The following SMOC1 variants were observed in gnomAD, a reference collection of about 807,000 sequenced individuals.
SMOC1 encodes SPARC related modular calcium binding 1.
A neutral mutation model predicts 56.3 loss-of-function variants in SMOC1; 22 were observed. That is an observed-to-expected ratio of 0.39 (90% CI 0.28 to 0.56). The LOEUF (loss-of-function observed/expected upper bound fraction) is 0.56. Among genes scored for constraint, SMOC1 ranks in the 20% least tolerant of loss-of-function variants. SMOC1 has a pLI of 0.61. For missense variants in SMOC1, 509 were observed against 565.4 expected (o/e 0.90, Z 1.01); for synonymous variants, 193 against 215.0 (o/e 0.90, Z 0.89).
chr14:69,996,579 G>T (rs971843843), intron 7 of SMOC1, among the ~76,000 whole-genome samples: 2 of 152,216 alleles, frequency 1.3e-5, no homozygotes, highest in South Asian at 4.1e-4. Flanking sequence ...TGAGAATAGG[G>T]TCATGTTGAG....
At chr14:69,904,511 G>A (rs1884355677) in intron 1 of SMOC1, among the ~76,000 whole-genome samples, 2 of 152,246 alleles carry the variant, frequency 1.3e-5, no homozygotes, top group African/African-American at 4.8e-5. Flanking sequence ...CACTTATGGG[G>A]TTTAGCACTT....
At chr14:70,017,299 C>T (rs762589489) in intron 10 of SMOC1, among the ~76,000 whole-genome samples, 13 of 152,180 alleles carry the variant, frequency 8.5e-5, no homozygotes, top group Admixed American at 2.0e-4. Context: ...CTTGGAGCGC[C>T]ATGCAGACAG....
intron 3 of SMOC1, among the ~76,000 whole-genome samples, chr14:69,970,339 A>G (rs1883712948): frequency 6.6e-6 from 1 of 152,090 alleles, no homozygotes; most frequent in African/African-American, 2.4e-5. Flanking sequence ...GGAGCCAACT[A>G]CTACTCTGTC....
intron 1 of SMOC1, among the ~76,000 whole-genome samples, chr14:69,929,457 G>A (rs1434520657): frequency 6.6e-6 from 1 of 152,218 alleles, no homozygotes; most frequent in Non-Finnish European, 1.5e-5. Context: ...AGGTCATGCG[G>A]CAAGTAAGTC....
chr14:69,882,029 G>A (rs776530447), intron 1 of SMOC1, among the ~76,000 whole-genome samples: 6 of 152,134 alleles, frequency 3.9e-5, no homozygotes, highest in Admixed American at 6.5e-5. Context: ...GAGATGGCTC[G>A]ATGAGAAATA....
chr14:69,954,176 T>C (rs1052790474), intron 3 of SMOC1, among the ~76,000 whole-genome samples: 1 of 152,156 alleles, frequency 6.6e-6, no homozygotes, highest in Non-Finnish European at 1.5e-5. Flanking sequence ...TTCTTCTCTT[T>C]TTTTGGAGAC....
chr14:69,951,387 C>CT (rs1234173849), intron 1 of SMOC1, among the ~76,000 whole-genome samples: 3 of 152,110 alleles, frequency 2.0e-5, no homozygotes, highest in Non-Finnish European at 2.9e-5. Context: ...ATTTACTATG[C>CT]GTCTTGGAGG....
At chr14:69,980,928 T>C (rs1469778140) in intron 5 of SMOC1, among the ~76,000 whole-genome samples, 1 of 152,128 alleles carries the variant, frequency 6.6e-6, no homozygotes, top group Non-Finnish European at 1.5e-5. Context: ...CTTGCCTTTT[T>C]GAATATCCTC....
In SMOC1 at chr14:70,030,302, G is replaced by T; in HGVS notation, c.*44G>T. 1 of 1,612,934 alleles carries T rather than the reference G, an allele frequency of 6.2e-7. No individual in the cohort carries two copies. The highest frequency in any genetic ancestry group is 1.7e-4 in the Middle Eastern group (1 of 6,048). ...GCAGGTGGAGAGTCCAGGGAGGCAGGATGGATCACCAGACACCTAACCTTC... is the reference window on the plus strand; with the variant it reads ...GCAGGTGGAGAGTCCAGGGAGGCAGTATGGATCACCAGACACCTAACCTTC... On this transcript the variant is annotated 3_prime_UTR_variant, in exon 12 of 12. Coordinates refer to ENST00000361956, the MANE Select transcript of SMOC1 (RefSeq NM_001034852.3).
At chr14:69,937,957 C>A (rs190133) in intron 1 of SMOC1, among the ~76,000 whole-genome samples, 4 of 152,026 alleles carry the variant, frequency 2.6e-5, no homozygotes, top group African/African-American at 9.6e-5. Context: ...TTTGTTTTAG[C>A]CTGCACTTGC....
At chr14:69,980,741 C>T (rs1231733066) in intron 5 of SMOC1, among the ~76,000 whole-genome samples, 7 of 152,180 alleles carry the variant, frequency 4.6e-5, no homozygotes, top group Non-Finnish European at 8.8e-5. Flanking sequence ...CATGGCTTCT[C>T]ATAGGAGGCA....
chr14:69,928,613 A>AT (rs1339886999), intron 1 of SMOC1, among the ~76,000 whole-genome samples: 9 of 61,786 alleles, frequency 1.5e-4, no homozygotes, highest in Admixed American at 1.2e-3. Context: ...AGAGGTGCTC[A>AT]TTGGGGGGGG....
chr14:69,955,826 C>T (rs1240245881), intron 3 of SMOC1, among the ~76,000 whole-genome samples: 2 of 152,140 alleles, frequency 1.3e-5, no homozygotes, highest in East Asian at 3.9e-4. Context: ...AACTGCATTG[C>T]AAAGAATTCA....
chr14:69,989,289 A>G (rs1417659300), intron 5 of SMOC1, among the ~76,000 whole-genome samples: 2 of 152,200 alleles, frequency 1.3e-5, no homozygotes, highest in African/African-American at 4.8e-5. Context: ...AATGATTAAC[A>G]ATGTTGGATA....
intron 3 of SMOC1, among the ~76,000 whole-genome samples, chr14:69,972,063 C>A (rs1383297033): frequency 6.6e-6 from 1 of 152,168 alleles, no homozygotes; most frequent in Non-Finnish European, 1.5e-5. Flanking sequence ...AAATTGAATT[C>A]TCTTAACAAC....
rs74548887 is a variant in SMOC1 at position 69,944,157 on chromosome 14, G to A, written c.100-7981G>A. On this transcript the variant is annotated intron_variant, in intron 1 of 11. Transcript: ENST00000361956. ...TCTGCCCTCAGGGAGCTTACAGTCC[G>A]GTGGAGGGGCATGGACAAGCAATGT... 2.1e-4 allele frequency among the ~76,000 whole-genome samples: 32 copies of A among 152,306 alleles called. No homozygotes were observed. In the East Asian group the frequency reaches 4.8e-3, roughly 23 times the overall value.
chr14:70,008,651 C>T (rs918689761), intron 7 of SMOC1, among the ~76,000 whole-genome samples: 2 of 152,192 alleles, frequency 1.3e-5, no homozygotes, highest in East Asian at 3.8e-4. Flanking sequence ...GGGAAGCGCC[C>T]CCCTTCTCTC....
intron 1 of SMOC1, among the ~76,000 whole-genome samples, chr14:69,916,066 G>C (rs990655776): frequency 1.3e-5 from 2 of 152,120 alleles, no homozygotes; most frequent in African/African-American, 2.4e-5. Flanking sequence ...ACATCTCTAT[G>C]TGGGCGTCTG....
At chr14:69,886,284 G>A (rs1883808393) in intron 1 of SMOC1, 1 of 607,670 alleles carries the variant, frequency 1.6e-6, no homozygotes, top group Non-Finnish European at 2.9e-6. Context: ...TGGCCCTTTA[G>A]CATTTCATGC....
Sources: gnomAD v4.1 joint callset for allele counts (sites outside exome capture counted in the v4.1 genomes callset) on GRCh38, gnomAD v4.1.1 for gene constraint, MANE v1.5 for transcripts, NCBI Gene and HGNC (gene_info 2026-07-23, HGNC 2026-07-21) for gene names.